HHAT: variants seen among roughly 807,000 people sequenced by gnomAD.
HHAT encodes the protein hedgehog acyltransferase, also known as protein-cysteine N-palmitoyltransferase HHAT.
In HHAT, 47 loss-of-function variants were observed where a neutral mutation model predicts 70.8. That is an observed-to-expected ratio of 0.66 (90% CI 0.53 to 0.85). HHAT has a LOEUF of 0.85. HHAT is among the 40% of genes least tolerant of loss of function. HHAT has a pLI of 0.00. For synonymous variants in HHAT, 228 were observed against 247.6 expected (o/e 0.92, Z 0.74); for missense variants, 609 against 604.8 (o/e 1.01, Z -0.07).
At chr1:210,514,922 C>T (rs2095028861) in intron 9 of HHAT, among the ~76,000 whole-genome samples, 1 of 152,232 alleles carries the variant, frequency 6.6e-6, no homozygotes. Flanking sequence ...CTCTTTCCTT[C>T]TGGGCTCCAA....
At chr1:210,352,314 T>G (rs1336236152) in intron 2 of HHAT, among the ~76,000 whole-genome samples, 5 of 152,180 alleles carry the variant, frequency 3.3e-5, no homozygotes, top group African/African-American at 7.2e-5. Context: ...TCAAATGCTT[T>G]TGCCAGTTTA....
chr1:210,395,213 A>G (rs1024170920), intron 4 of HHAT, among the ~76,000 whole-genome samples: 3 of 152,148 alleles, frequency 2.0e-5, no homozygotes, highest in African/African-American at 4.8e-5. Flanking sequence ...AAGGCTCTAC[A>G]CTTTCACTCC....
At chr1:210,401,067 G>A (rs191039448) in intron 5 of HHAT, among the ~76,000 whole-genome samples, 19 of 152,346 alleles carry the variant, frequency 1.2e-4, no homozygotes, top group Non-Finnish European at 2.4e-4. Context: ...CAATGGCCCT[G>A]TGGTGGTAAG....
At chr1:210,526,414 A>G (rs934427067) in intron 9 of HHAT, among the ~76,000 whole-genome samples, 2 of 139,654 alleles carry the variant, frequency 1.4e-5, no homozygotes, top group African/African-American at 2.7e-5. Context: ...CCTGATGGAC[A>G]TTGGAGATAC....
At chr1:210,388,285 G>A (rs1220178255) in intron 4 of HHAT, among the ~76,000 whole-genome samples, 2 of 152,186 alleles carry the variant, frequency 1.3e-5, no homozygotes, top group African/African-American at 4.8e-5. Context: ...ACCAAAACCT[G>A]ATTTGGAAGT....
intron 7 of HHAT, among the ~76,000 whole-genome samples, chr1:210,428,272 C>G (rs1290800526): frequency 8.7e-6 from 1 of 115,206 alleles, no homozygotes; most frequent in African/African-American, 3.2e-5. Context: ...TGTTTTCCCC[C>G]AAATGAGCTT....
intron 8 of HHAT, among the ~76,000 whole-genome samples, chr1:210,469,024 A>T (rs1304187236): frequency 6.6e-6 from 1 of 152,130 alleles, no homozygotes; most frequent in Non-Finnish European, 1.5e-5. Context: ...AGCCTGGCGT[A>T]TAGTAGGTCC....
At chr1:210,401,027 G>A (rs77487573) in intron 5 of HHAT, among the ~76,000 whole-genome samples, 1,540 of 152,330 alleles carry the variant, frequency 0.01, 30 homozygotes, top group African/African-American at 0.035. Flanking sequence ...TATAGGGAAT[G>A]CACACATCAC....
At chr1:210,415,363 A>G (rs1386809349) in intron 6 of HHAT, among the ~76,000 whole-genome samples, 2 of 152,200 alleles carry the variant, frequency 1.3e-5, no homozygotes, top group Non-Finnish European at 2.9e-5. Context: ...TGCTTGAGGT[A>G]AGGATTCAAA....
At chr1:210,345,927 TGTG>T (rs61581834) in intron 1 of HHAT, among the ~76,000 whole-genome samples, 7,262 of 152,042 alleles carry the variant, frequency 0.048, 578 homozygotes, top group African/African-American at 0.17. Context: ...AGCCTGGCAT[TGTG>T]GTGCATGCCT....
chr1:210,427,088 AATG>A (rs1443798603), intron 7 of HHAT, among the ~76,000 whole-genome samples: 1 of 152,112 alleles, frequency 6.6e-6, no homozygotes, highest in Non-Finnish European at 1.5e-5. Flanking sequence ...GTGTCCTGGA[AATG>A]ATAACTTTCT....
At chr1:210,453,842 G>C (rs2093805449) in intron 7 of HHAT, among the ~76,000 whole-genome samples, 3 of 152,280 alleles carry the variant, frequency 2.0e-5, no homozygotes, top group Admixed American at 6.5e-5. Flanking sequence ...TTTAGGCAAA[G>C]TGAGTGATGG....
intron 11 of HHAT, among the ~76,000 whole-genome samples, chr1:210,665,314 AG>A: frequency 6.6e-6 from 1 of 152,348 alleles, no homozygotes; most frequent in East Asian, 1.9e-4. Context: ...AGTTTGTCTT[AG>A]GAGGTGAATC....
In HHAT at chr1:210,587,514, A is replaced by G. The variant is rs1158464879; in HGVS notation, c.1044-384A>G. ...ATTTGGGTGGGGTCACAGCCAAACC[A>G]TATCACCTGCCTTGAAGGTTGCTGG... On this transcript the variant is annotated intron_variant, in intron 9 of 11. Transcript: ENST00000261458. 2.6e-5 allele frequency among the ~76,000 whole-genome samples: 4 copies of G among 152,200 alleles called. No homozygotes were observed. In the East Asian group the frequency reaches 7.7e-4, roughly 29 times the overall value.
At chr1:210,549,803 T>C (rs2095513617) in intron 9 of HHAT, among the ~76,000 whole-genome samples, 1 of 148,924 alleles carries the variant, frequency 6.7e-6, no homozygotes, top group Non-Finnish European at 1.5e-5. Context: ...AAGGCCAGCC[T>C]GGGCAACATA....
chr1:210,594,269 G>A (rs972359300), intron 10 of HHAT, among the ~76,000 whole-genome samples: 1 of 152,036 alleles, frequency 6.6e-6, no homozygotes, highest in African/African-American at 2.4e-5. Context: ...TAGTGAAAGT[G>A]ATTTTCTCTG....
At chr1:210,565,333 A>T (rs1209351314) in intron 9 of HHAT, among the ~76,000 whole-genome samples, 1 of 152,214 alleles carries the variant, frequency 6.6e-6, no homozygotes, top group African/African-American at 2.4e-5. Context: ...ATGTCACCAC[A>T]GGCATCCTCA....
At chr1:210,618,220 C>T (rs908115985) in intron 10 of HHAT, among the ~76,000 whole-genome samples, 10 of 152,262 alleles carry the variant, frequency 6.6e-5, no homozygotes, top group Admixed American at 6.5e-4. Context: ...GAATCTGAGT[C>T]CTCCTGACTT....
chr1:210,473,560 T>C (rs1170465535), intron 8 of HHAT, among the ~76,000 whole-genome samples: 1 of 152,106 alleles, frequency 6.6e-6, no homozygotes, highest in Non-Finnish European at 1.5e-5. Context: ...GTGGGGCCAC[T>C]GGGGGCTTCT....
Sources: gnomAD v4.1 joint callset for allele counts (sites outside exome capture counted in the v4.1 genomes callset) on GRCh38, gnomAD v4.1.1 for gene constraint, MANE v1.5 for transcripts, NCBI Gene and HGNC (gene_info 2026-07-23, HGNC 2026-07-21) for gene names.